Variants in COL21A1 observed in about 807,000 individuals in gnomAD.
COL21A1 encodes the protein collagen alpha-1(XXI) chain.
In COL21A1, 149 loss-of-function variants were observed where a neutral mutation model predicts 137.9. The observed-to-expected ratio is 1.08, with a 90% confidence interval of 0.95 to 1.24. The LOEUF (loss-of-function observed/expected upper bound fraction) is 1.24, where lower values mean the gene tolerates loss of function less well. COL21A1 is among the 50% of genes most tolerant of loss of function. The pLI is 0.00. For missense variants in COL21A1, 1,167 were observed against 1,158.4 expected, an observed-to-expected ratio of 1.01 and a Z score of -0.11; for synonymous variants, 456 against 391.5, an observed-to-expected ratio of 1.16 and a Z score of -1.95.
intron 1 of COL21A1, among the ~76,000 whole-genome samples, chr6:56,345,722 T>C (rs536950571): frequency 2.6e-5 from 4 of 152,370 alleles, no homozygotes; most frequent in African/African-American, 9.6e-5. Flanking sequence ...CCAGTGTGTC[T>C]TTCAACAAAT....
Position 56,330,623 on chromosome 6 carries a change from C to T in COL21A1, c.-39+63348G>A, listed in dbSNP as rs528098805. Among the ~76,000 whole-genome samples, 303 of 152,092 alleles carry T rather than the reference C, an allele frequency of 2.0e-3. 1 individual carries two copies. The highest frequency in any genetic ancestry group is 6.9e-3 in the African/African-American group (288 of 41,516). On this transcript the variant is annotated intron_variant, in intron 1 of 28. Transcript: ENST00000370819. ...CATCACATGGATAATAAACATTGTA[C>T]CCAATAAGTAATATTTCATCCCTCG... is the stretch of plus-strand genomic sequence containing the variant.
intron 1 of COL21A1, among the ~76,000 whole-genome samples, chr6:56,224,632 G>A (rs1234674684): frequency 6.6e-6 from 1 of 151,964 alleles, no homozygotes; most frequent in Non-Finnish European, 1.5e-5. Flanking sequence ...AAAGGATTGG[G>A]TTTCTAAAAA....
In COL21A1 at chr6:56,059,248, G is replaced by A. The variant is rs375689670; in HGVS notation, c.2609-6C>T. 64 of 1,591,862 alleles carry A rather than the reference G, an allele frequency of 4.0e-5. No homozygotes were observed. The highest frequency in any genetic ancestry group is 5.5e-5 in the Non-Finnish European group (64 of 1,172,052). ...CCCATTTCTTCCTGGTAGGCCTGCA[G>A]GGTGTCAAACATCTGAGTAAGTTTA... is the stretch of plus-strand genomic sequence containing the variant. On this transcript the variant is annotated splice_polypyrimidine_tract_variant and splice_region_variant and intron_variant, in intron 28 of 29. Coordinates refer to ENST00000244728, the MANE Select transcript of COL21A1 (RefSeq NM_030820.4).
Position 56,262,479 on chromosome 6 carries a change from T to C in COL21A1, c.-38-79823A>G, listed in dbSNP as rs80257733. Among the ~76,000 whole-genome samples, 478 of 152,184 alleles carry C rather than the reference T, an allele frequency of 3.1e-3. 2 individuals are homozygous for C. Among genetic ancestry groups the C allele is most frequent in the African/African-American group, 0.01 (430 of 41,516 alleles). ...AGCCAAAAGCATAATACTAGCCCTG[T>C]AGAAAGTGGACAATCCCCAGGAATC... On this transcript the variant is annotated intron_variant, in intron 1 of 28. Coordinates refer to the COL21A1 transcript ENST00000370819.
intron 1 of COL21A1, among the ~76,000 whole-genome samples, chr6:56,296,678 G>T (rs9349811): frequency 0.84 from 128,078 of 151,912 alleles, 55,989 homozygotes; most frequent in South Asian, 0.97. Context: ...GAACCAACAT[G>T]TCAGAAGAAA....
intron 1 of COL21A1, among the ~76,000 whole-genome samples, chr6:56,230,332 A>C (rs933381695): frequency 6.6e-6 from 1 of 151,922 alleles, no homozygotes; most frequent in Non-Finnish European, 1.5e-5. Flanking sequence ...TCAATGATAA[A>C]TCAGTCAAGA....
chr6:56,378,321 G>A (rs974916970), intron 1 of COL21A1, among the ~76,000 whole-genome samples: 1 of 152,092 alleles, frequency 6.6e-6, no homozygotes, highest in Non-Finnish European at 1.5e-5. Context: ...TTTCTGGACC[G>A]CCCTGGGATA....
intron 17 of COL21A1, among the ~76,000 whole-genome samples, chr6:56,087,641 T>C (rs144890049): frequency 7.9e-4 from 120 of 152,308 alleles, no homozygotes; most frequent in East Asian, 4.2e-3. Flanking sequence ...CCTTCAAGGC[T>C]TGGGAGTTAA....
At chr6:56,061,124 T>C in intron 25 of COL21A1, 87 bp from the exon 26 acceptor site, 1 of 1,096,664 alleles carries the variant, frequency 9.1e-7, no homozygotes, top group Non-Finnish European at 1.3e-6. Flanking sequence ...GATGTGAATA[T>C]GCATGTATAC....
chr6:56,293,480 G>T (rs924960676), intron 1 of COL21A1, among the ~76,000 whole-genome samples: 1 of 152,070 alleles, frequency 6.6e-6, no homozygotes, highest in Non-Finnish European at 1.5e-5. Context: ...AACAAAAAAG[G>T]TGTAACTCAC....
At chr6:56,274,225 T>A (rs528362486) in intron 1 of COL21A1, among the ~76,000 whole-genome samples, 60 of 152,246 alleles carry the variant, frequency 3.9e-4, no homozygotes, top group African/African-American at 1.4e-3. Flanking sequence ...GTCAAAATAA[T>A]AGGAGCCATC....
chr6:56,064,779 C>T (rs1163984000), intron 23 of COL21A1, among the ~76,000 whole-genome samples, 157 bp from the exon 24 acceptor site: 2 of 151,962 alleles, frequency 1.3e-5, no homozygotes, highest in Non-Finnish European at 1.5e-5. Flanking sequence ...AAATCAGTTA[C>T]TCAGCGAAAA....
intron 1 of COL21A1, among the ~76,000 whole-genome samples, chr6:56,379,305 T>C (rs6900988): frequency 0.29 from 44,811 of 152,004 alleles, 6,875 homozygotes; most frequent in Non-Finnish European, 0.32. Flanking sequence ...AAAAAGCTGT[T>C]TTGAGGAAGG....
chr6:56,143,733 C>T (rs577446583), intron 10 of COL21A1, among the ~76,000 whole-genome samples: 2 of 152,258 alleles, frequency 1.3e-5, no homozygotes, highest in African/African-American at 4.8e-5. Context: ...CATCTGTTCG[C>T]TAGACTAGCA....
At chr6:56,219,348 G>C (rs933987514) in intron 1 of COL21A1, among the ~76,000 whole-genome samples, 1 of 150,112 alleles carries the variant, frequency 6.7e-6, no homozygotes, top group African/African-American at 2.4e-5. Context: ...TCAGTAAATT[G>C]ATGACATGCA....
At chr6:56,123,242 G>C (rs532230469) in intron 16 of COL21A1, among the ~76,000 whole-genome samples, 1 of 152,156 alleles carries the variant, frequency 6.6e-6, no homozygotes, top group African/African-American at 2.4e-5. Context: ...TAACAAGAAG[G>C]AACCAATGAC....
intron 1 of COL21A1, among the ~76,000 whole-genome samples, chr6:56,299,540 A>T (rs1764234076): frequency 6.6e-6 from 1 of 152,112 alleles, no homozygotes; most frequent in African/African-American, 2.4e-5. Flanking sequence ...TTGTTAATAT[A>T]TTTAATATAT....
intron 1 of COL21A1, among the ~76,000 whole-genome samples, chr6:56,194,899 G>A (rs1449627522): frequency 1.3e-5 from 2 of 152,250 alleles, no homozygotes; most frequent in East Asian, 1.9e-4. Context: ...GCTTTTAAAA[G>A]GTGATTGGGT....
In COL21A1 at chr6:56,067,317, T is replaced by C. The variant is rs528794194; in HGVS notation, c.2105A>G (p.Asn702Ser). 9 of 1,609,144 alleles carry C rather than the reference T, an allele frequency of 5.6e-6. No homozygotes were observed. The East Asian group carries it at 1.6e-4, about 28-fold the overall frequency. Residue 702 changes from asparagine (N) to serine (S), a missense_variant, in exon 23 of 30, where the codon AAT becomes AGT. Physicochemically the swap from Asn to Ser is conservative, Grantham distance 46. Coordinates refer to ENST00000244728, the MANE Select transcript of COL21A1 (RefSeq NM_030820.4). The part of the protein sequence containing the change: ...GIQGKKGDKG[N>S]QGEKGIQGQK... ...TACCTGAATACCTTTTTCACCTTGA[T>C]TTCCTTTGTCCCCCTACAAAAAGGC...
Sources: gnomAD v4.1 joint callset for allele counts (sites outside exome capture counted in the v4.1 genomes callset) on GRCh38, gnomAD v4.1.1 for gene constraint, MANE v1.5 for transcripts, NCBI Gene and HGNC (gene_info 2026-07-23, HGNC 2026-07-21) for gene names.